Variants in MEI4 observed in about 807,000 individuals in gnomAD.
MEI4 encodes the protein meiotic double-stranded break formation protein 4.
A neutral mutation model predicts 31.4 loss-of-function variants in MEI4; 27 were observed. The ratio of observed to expected loss-of-function variants is 0.86; its 90% CI spans 0.63 to 1.19. MEI4 has a LOEUF of 1.19. Ranked by LOEUF, MEI4 falls within the 50% of genes most tolerant of loss-of-function variation. The probability of loss-of-function intolerance (pLI) is 0.00; values close to 1 mark genes in which losing one functional copy is unlikely to be tolerated. For synonymous variants in MEI4, 122 were observed against 145.4 expected (o/e 0.84, Z 1.16); for missense variants, 329 against 398.9 (o/e 0.82, Z 1.49).
intron 3 of MEI4, among the ~76,000 whole-genome samples, chr6:77,808,751 G>A (rs1349548663): frequency 6.6e-6 from 1 of 152,130 alleles, no homozygotes; most frequent in Non-Finnish European, 1.5e-5. Context: ...AAGGCCTTTG[G>A]GATCAAGCCC....
intron 2 of MEI4, among the ~76,000 whole-genome samples, chr6:77,748,284 G>T (rs1195309700): frequency 6.6e-6 from 1 of 152,194 alleles, no homozygotes; most frequent in African/African-American, 2.4e-5. Context: ...GCAGACTTCT[G>T]CCTGGACATC....
intron 4 of MEI4, among the ~76,000 whole-genome samples, chr6:77,889,075 G>T (rs1482188662): frequency 2.0e-5 from 3 of 152,096 alleles, no homozygotes; most frequent in Non-Finnish European, 4.4e-5. Flanking sequence ...TCAGTCTCAG[G>T]TATTTCTTCA....
chr6:77,664,388 G>A (rs1019621550), intron 1 of MEI4, among the ~76,000 whole-genome samples: 13 of 152,102 alleles, frequency 8.5e-5, no homozygotes, highest in African/African-American at 1.4e-4. Context: ...GAGCCTAAAC[G>A]CTATCTGATT....
intron 2 of MEI4, among the ~76,000 whole-genome samples, chr6:77,740,211 T>A (rs1359223152): frequency 6.6e-6 from 1 of 152,176 alleles, no homozygotes; most frequent in African/African-American, 2.4e-5. Flanking sequence ...AGGAGTTTTT[T>A]ATGTTTGATT....
At chr6:77,753,656 G>A (rs568653284) in intron 2 of MEI4, among the ~76,000 whole-genome samples, 84 of 152,300 alleles carry the variant, frequency 5.5e-4, no homozygotes, top group African/African-American at 1.9e-3. Flanking sequence ...GTTGGTCGGA[G>A]TGTAAATGTG....
chr6:77,827,953 T>C (rs540924712), intron 3 of MEI4, among the ~76,000 whole-genome samples: 2 of 152,130 alleles, frequency 1.3e-5, no homozygotes, highest in African/African-American at 4.8e-5. Flanking sequence ...TGTTCTCCAA[T>C]AGGATTATAT....
intron 1 of MEI4, among the ~76,000 whole-genome samples, chr6:77,671,018 A>G (rs1276243446): frequency 6.6e-6 from 1 of 151,084 alleles, no homozygotes; most frequent in Non-Finnish European, 1.5e-5. Flanking sequence ...CTTTTTTAGC[A>G]GTAGAAAGGT....
chr6:77,821,135 C>A (rs1159142856), intron 3 of MEI4, among the ~76,000 whole-genome samples: 1 of 151,632 alleles, frequency 6.6e-6, no homozygotes, highest in African/African-American at 2.4e-5. Flanking sequence ...GTTTTTCTTT[C>A]TTTTTTGGTA....
At chr6:77,913,253 T>C (rs1345171266) in intron 4 of MEI4, among the ~76,000 whole-genome samples, 2 of 152,172 alleles carry the variant, frequency 1.3e-5, no homozygotes, top group Non-Finnish European at 2.9e-5. Context: ...GTTTTATTTA[T>C]TTGTTACTTC....
At chr6:77,801,668 A>G (rs1005824003) in intron 3 of MEI4, among the ~76,000 whole-genome samples, 9 of 152,138 alleles carry the variant, frequency 5.9e-5, no homozygotes, top group African/African-American at 1.9e-4. Context: ...AATGTGTCCC[A>G]GAGATTCTGG....
intron 2 of MEI4, among the ~76,000 whole-genome samples, chr6:77,699,989 G>C (rs948529303): frequency 2.6e-5 from 4 of 152,274 alleles, no homozygotes; most frequent in Non-Finnish European, 5.9e-5. Flanking sequence ...GGCAGTGTGA[G>C]GTGTCAGTCT....
chr6:77,679,755 G>A (rs947916675), intron 1 of MEI4, among the ~76,000 whole-genome samples: 2 of 151,610 alleles, frequency 1.3e-5, no homozygotes, highest in Non-Finnish European at 2.9e-5. Context: ...CTCTGCCCGC[G>A]TCCCCAAGAC....
chr6:77,809,943 G>T (rs923098703), intron 3 of MEI4, among the ~76,000 whole-genome samples: 1 of 152,072 alleles, frequency 6.6e-6, no homozygotes, highest in African/African-American at 2.4e-5. Flanking sequence ...GAGATTTTTA[G>T]ATTTCTTTAC....
intron 3 of MEI4, among the ~76,000 whole-genome samples, chr6:77,761,868 A>C (rs535381997): frequency 6.6e-6 from 1 of 152,122 alleles, no homozygotes; most frequent in African/African-American, 2.4e-5. Context: ...TTCTGCATAG[A>C]TGCCTTTGCT....
Position 77,847,729 on chromosome 6 carries a change from A to G in MEI4, c.900+18667A>G, listed in dbSNP as rs953117790. Among the ~76,000 whole-genome samples, 3 of 152,104 alleles carry G rather than the reference A, an allele frequency of 2.0e-5. No homozygotes were observed. Among genetic ancestry groups the G allele is most frequent in the Non-Finnish European group, 2.9e-5 (2 of 68,012 alleles). Reference sequence around the variant, plus strand: ...CCAATTATAATCCAGTGTTATTTACATGTCTGTTTTTTGTATGTACTGAGG... The same window carrying G: ...CCAATTATAATCCAGTGTTATTTACGTGTCTGTTTTTTGTATGTACTGAGG... On this transcript the variant is annotated intron_variant, in intron 4 of 4. Coordinates refer to ENST00000684080, the MANE Select transcript of MEI4 (RefSeq NM_001322247.2). The surrounding 1 kb of genome is among the most constrained non-coding windows in gnomAD (Gnocchi z 4.6).
intron 3 of MEI4, among the ~76,000 whole-genome samples, chr6:77,791,827 A>T (rs1768945118): frequency 6.6e-6 from 1 of 152,154 alleles, no homozygotes; most frequent in African/African-American, 2.4e-5. Context: ...CATTATTATT[A>T]ACTGTAATTA....
intron 4 of MEI4, among the ~76,000 whole-genome samples, chr6:77,854,470 T>C (rs536896117): frequency 1.3e-4 from 19 of 151,208 alleles, no homozygotes; most frequent in Non-Finnish European, 1.5e-5. Context: ...TAAATTTCCA[T>C]GGTACTATGT....
chr6:77,783,692 G>A (rs1433482067), intron 3 of MEI4, among the ~76,000 whole-genome samples: 3 of 151,914 alleles, frequency 2.0e-5, no homozygotes, highest in East Asian at 3.9e-4. Flanking sequence ...TTTATGGTAA[G>A]CATTTTTTAT....
chr6:77,768,740 A>C (rs1277745728), intron 3 of MEI4, among the ~76,000 whole-genome samples: 2 of 152,066 alleles, frequency 1.3e-5, no homozygotes, highest in African/African-American at 4.8e-5. Context: ...AGGAGAAAGA[A>C]AAGGAAGGTC....
Sources: allele counts gnomAD v4.1 joint callset (sites outside exome capture counted in the v4.1 genomes callset), GRCh38; gene constraint gnomAD v4.1.1; non-coding constraint Gnocchi (gnomAD v3.1); transcripts MANE v1.5; gene names NCBI Gene and HGNC (gene_info 2026-07-23, HGNC 2026-07-21).